SHANK2: variants seen among roughly 807,000 people sequenced by gnomAD.
SHANK2 encodes the protein SH3 and multiple ankyrin repeat domains protein 2.
Under a neutral mutation model 133.7 loss-of-function variants are expected in SHANK2, and 43 were observed. The ratio of observed to expected loss-of-function variants is 0.32; its 90% CI spans 0.25 to 0.41. The LOEUF (loss-of-function observed/expected upper bound fraction) is 0.41, where lower values mean the gene tolerates loss of function less well. Ranked by LOEUF, SHANK2 falls within the 10% of genes least tolerant of loss-of-function variation. SHANK2 has a pLI of 1.00. For synonymous variants in SHANK2, 1,017 were observed against 952.8 expected, an observed-to-expected ratio of 1.07 and a Z score of -1.24; for missense variants, 1,994 against 2,235.8, an observed-to-expected ratio of 0.89 and a Z score of 2.18.
chr11:70,779,927 G>A (rs1177755875), intron 14 of SHANK2, among the ~76,000 whole-genome samples: 1 of 152,192 alleles, frequency 6.6e-6, no homozygotes, highest in Non-Finnish European at 1.5e-5. Context: ...GGGTGGGCAT[G>A]GACATCATTC....
intron 17 of SHANK2, among the ~76,000 whole-genome samples, chr11:70,588,974 C>T (rs1231188594): frequency 1.3e-5 from 2 of 152,184 alleles, no homozygotes; most frequent in Non-Finnish European, 2.9e-5. Flanking sequence ...CCCGCCACCA[C>T]ACCCACATAA....
At chr11:71,220,168 C>T (rs144390246) in intron 2 of SHANK2, among the ~76,000 whole-genome samples, 3 of 152,056 alleles carry the variant, frequency 2.0e-5, no homozygotes, top group East Asian at 3.9e-4. Context: ...CCTGGGAGGC[C>T]GACGCTGCAG....
intron 17 of SHANK2, among the ~76,000 whole-genome samples, chr11:70,654,870 C>T (rs998224793): frequency 5.9e-5 from 9 of 151,586 alleles, no homozygotes; most frequent in African/African-American, 1.5e-4. Context: ...CGGGTTCAAG[C>T]GATTCTCCTG....
At chr11:70,832,793 G>A (rs910129970) in intron 11 of SHANK2, among the ~76,000 whole-genome samples, 3 of 146,610 alleles carry the variant, frequency 2.0e-5, no homozygotes, top group Non-Finnish European at 4.5e-5. Context: ...CCACAGCCAC[G>A]CTACCAGCTG....
intron 22 of SHANK2, among the ~76,000 whole-genome samples, chr11:70,491,251 T>C (rs1173150115): frequency 2.0e-5 from 3 of 152,232 alleles, no homozygotes; most frequent in Non-Finnish European, 4.4e-5. Flanking sequence ...GCAGTTTCCA[T>C]GTGTCCACAG....
chr11:71,074,410 T>G (rs1162620763), intron 9 of SHANK2, among the ~76,000 whole-genome samples: 1 of 152,160 alleles, frequency 6.6e-6, no homozygotes, highest in Non-Finnish European at 1.5e-5. Flanking sequence ...CTCCCCCAGC[T>G]CCTCAAAGGC....
At chr11:71,196,123 C>G (rs1037842878) in intron 2 of SHANK2, among the ~76,000 whole-genome samples, 1 of 151,932 alleles carries the variant, frequency 6.6e-6, no homozygotes, top group Non-Finnish European at 1.5e-5. Context: ...TTTGAGTCTG[C>G]GGCTGCAGTG....
intron 3 of SHANK2, among the ~76,000 whole-genome samples, chr11:71,136,859 T>A (rs1381734021): frequency 6.6e-5 from 10 of 152,158 alleles, no homozygotes; most frequent in Non-Finnish European, 1.0e-4. Flanking sequence ...AATCATCAAA[T>A]GGTATTCTTT....
intron 17 of SHANK2, among the ~76,000 whole-genome samples, chr11:70,539,087 C>T (rs1801413968): frequency 6.6e-6 from 1 of 152,242 alleles, no homozygotes; most frequent in African/African-American, 2.4e-5. Context: ...GGGTGGCTAA[C>T]TGGATCTGCG....
intron 10 of SHANK2, among the ~76,000 whole-genome samples, chr11:70,919,761 C>T (rs1555080447): frequency 6.6e-6 from 1 of 152,206 alleles, no homozygotes; most frequent in Admixed American, 6.5e-5. Flanking sequence ...CCCCAACCTC[C>T]CAGCTTCTGG....
chr11:70,491,218 T>A (rs144819371), intron 22 of SHANK2, among the ~76,000 whole-genome samples: 6 of 152,376 alleles, frequency 3.9e-5, no homozygotes, highest in African/African-American at 9.6e-5. Context: ...GTGTGCAAGC[T>A]TTTATTGCTC....
Position 70,862,808 on chromosome 11 carries a change from TC to T in SHANK2, c.1174+33692del, listed in dbSNP as rs1331748440. The T allele has an allele frequency of 1.4e-5, 4 of 277,524 alleles. No homozygotes were observed. In the Admixed American group the frequency reaches 1.5e-4, roughly 11 times the overall value. 17.2% of individuals were successfully genotyped at this position (277,524 alleles called of 1,614,324 possible). ...TTGCACATTTTGGATCCTTTGGGAT[TC>T]CCCCACGGGAGTAGTCAACTGGGCA... On this transcript the variant is annotated intron_variant, in intron 11 of 25. Coordinates refer to ENST00000601538, the MANE Select transcript of SHANK2 (RefSeq NM_012309.5).
At chr11:71,171,945 T>G (rs1347244497) in intron 2 of SHANK2, among the ~76,000 whole-genome samples, 2 of 151,656 alleles carry the variant, frequency 1.3e-5, no homozygotes, top group Non-Finnish European at 2.9e-5. Flanking sequence ...TCCACACGCC[T>G]GGGAAGGCCC....
intron 11 of SHANK2, among the ~76,000 whole-genome samples, chr11:70,865,691 C>T (rs527722068): frequency 1.3e-4 from 19 of 151,524 alleles, no homozygotes; most frequent in Non-Finnish European, 2.4e-4. Context: ...GACACTGCCT[C>T]GCACCGCCTT....
chr11:70,753,123 A>AAAAC (rs1224318577), intron 14 of SHANK2, among the ~76,000 whole-genome samples: 1 of 151,988 alleles, frequency 6.6e-6, no homozygotes, highest in Non-Finnish European at 1.5e-5. Context: ...AAAACAAAAC[A>AAAAC]AAACAAACAA....
intron 17 of SHANK2, among the ~76,000 whole-genome samples, chr11:70,574,741 C>T (rs782249452): frequency 6.6e-6 from 1 of 152,120 alleles, no homozygotes; most frequent in Admixed American, 6.6e-5. Flanking sequence ...GAGCACAGAC[C>T]GGGGGTCTCA....
Position 70,473,338 on chromosome 11 carries a change from G to A in SHANK2, c.5081C>T (p.Pro1694Leu), listed in dbSNP as rs1555149256. The A allele has an allele frequency of 6.2e-7, 1 of 1,613,466 alleles. No homozygotes were observed. The highest frequency in any genetic ancestry group is 1.7e-5 in the Admixed American group (1 of 60,030). The change falls in exon 26 of 26, where the codon CCC (proline) becomes CTC (leucine). Residue 1694 changes from proline to leucine, a missense_variant. Pro to Leu is a moderately conservative substitution (Grantham distance 98). Coordinates refer to ENST00000601538, the MANE Select transcript of SHANK2 (RefSeq NM_012309.5). This position sits in a 1 kb window ranked among gnomAD's most constrained non-coding sequence, Gnocchi z 5.9. ...TGAGGTCCTGCTTTCATAGTCGGGG[G>A]GCCGGCTCTGCAGGGTGATGGGCTG... ...TSQPITLQSR[P>L]PDYESRTSGT...
At chr11:70,792,226 G>C (rs1555048180) in intron 14 of SHANK2, among the ~76,000 whole-genome samples, 1 of 148,452 alleles carries the variant, frequency 6.7e-6, no homozygotes, top group East Asian at 2.0e-4. Flanking sequence ...CAACTAATCA[G>C]TCAGCTAGAC....
At chr11:70,623,704 A>T (rs2136468590) in intron 17 of SHANK2, among the ~76,000 whole-genome samples, 1 of 152,264 alleles carries the variant, frequency 6.6e-6, no homozygotes, top group East Asian at 1.9e-4. Flanking sequence ...AATACGTAAA[A>T]CTAAGAATTA....
Sources: allele counts gnomAD v4.1 joint callset (sites outside exome capture counted in the v4.1 genomes callset), GRCh38; gene constraint gnomAD v4.1.1; non-coding constraint Gnocchi (gnomAD v3.1); transcripts MANE v1.5; gene names NCBI Gene and HGNC (gene_info 2026-07-23, HGNC 2026-07-21).